NUMB: variants seen among roughly 807,000 people sequenced by gnomAD.
The protein encoded by NUMB is NUMB endocytic adaptor protein, also known as protein numb homolog.
Under a neutral mutation model 59.7 loss-of-function variants are expected in NUMB, and 29 were observed. The observed-to-expected ratio is 0.49, with a 90% confidence interval of 0.36 to 0.66. The LOEUF (loss-of-function observed/expected upper bound fraction) is 0.66, where lower values mean the gene tolerates loss of function less well. NUMB is among the 30% of genes least tolerant of loss of function. The pLI is 0.00. For missense variants in NUMB, 723 were observed against 822.0 expected (o/e 0.88, Z 1.47); for synonymous variants, 288 against 288.2 (o/e 1.00, Z 0.01).
At chr14:73,408,603 C>T (rs774761743) in intron 2 of NUMB, among the ~76,000 whole-genome samples, 6 of 152,002 alleles carry the variant, frequency 3.9e-5, no homozygotes, top group African/African-American at 7.2e-5. Context: ...CCAGGCTGGA[C>T]GCGGTGGCTC....
At chr14:73,339,089 T>C (rs1892499385) in intron 4 of NUMB, among the ~76,000 whole-genome samples, 1 of 152,228 alleles carries the variant, frequency 6.6e-6, no homozygotes, top group Admixed American at 6.5e-5. Flanking sequence ...TGTACTACTT[T>C]AGGTCTTCTA....
In NUMB at chr14:73,398,671, T is replaced by C. The variant is rs554754590; in HGVS notation, c.-101+11266A>G. ...CCAACCTCACAATCAATCACAGAAA[T>C]AGAAATTAAAACAATATACTTCTTT... On this transcript the variant is annotated intron_variant, in intron 2 of 12. Coordinates refer to ENST00000555238, the MANE Select transcript of NUMB (RefSeq NM_001005743.2). Among the ~76,000 whole-genome samples the C allele has an allele frequency of 2.0e-5, 3 of 151,646 alleles. No individual in the cohort carries two copies. The South Asian group carries it at 6.2e-4, about 32-fold the overall frequency.
intron 5 of NUMB, 148 bp from the exon 6 acceptor site, chr14:73,316,570 G>C (rs955773269): frequency 2.4e-5 from 16 of 677,526 alleles, no homozygotes; most frequent in Non-Finnish European, 3.4e-5. Context: ...TCCACACCAG[G>C]AGTGACAGGG....
In NUMB at chr14:73,407,668, T is replaced by C. The variant is rs187555385; in HGVS notation, c.-101+2269A>G. Among the ~76,000 whole-genome samples the C allele has an allele frequency of 2.6e-5, 4 of 152,334 alleles. No homozygotes were observed. In the East Asian group the frequency reaches 5.8e-4, roughly 22 times the overall value. ...ACCGACTCTGTTAAATTAAACTCAT[T>C]ATGATGTAAATCACTTTGGAATGAG... On this transcript the variant is annotated intron_variant, in intron 2 of 12. Transcript: ENST00000555238.
intron 1 of NUMB, among the ~76,000 whole-genome samples, chr14:73,424,445 G>A (rs376224923): frequency 5.9e-5 from 9 of 152,074 alleles, no homozygotes; most frequent in South Asian, 2.1e-4. Flanking sequence ...AAATCTTGCC[G>A]TAACTAAAGT....
chr14:73,287,035 C>T (rs1325403504), intron 9 of NUMB, 75 bp downstream of exon 9: 2 of 1,379,090 alleles, frequency 1.5e-6, no homozygotes, highest in East Asian at 4.6e-5. Flanking sequence ...GAAAATTTAC[C>T]CCTGGTAGCT....
intron 1 of NUMB, among the ~76,000 whole-genome samples, chr14:73,433,634 G>A (rs922275615): frequency 1.3e-5 from 2 of 152,100 alleles, no homozygotes; most frequent in African/African-American, 2.4e-5. Flanking sequence ...AGTACAGAGA[G>A]AAGTGACTTA....
Position 73,284,146 on chromosome 14 carries a change from G to C in NUMB, c.884C>G (p.Ser295Cys). The change falls in exon 10 of 13, where the codon TCC (serine) becomes TGC (cysteine). Residue 295 changes from serine to cysteine, a missense_variant. Around this residue, in one of 2 missense-constraint regions of NUMB, gnomAD observed 317 missense variants for 436.6 expected, o/e 0.73. Coordinates refer to ENST00000555238, the MANE Select transcript of NUMB (RefSeq NM_001005743.2). ...QKMSPFKRQL[S>C]LRINELPSTM... ...GGAAGGCAACTCATTGATGCGTAGG[G>C]ATAGTTGGCGTTTAAAGGGTGACAT... The C allele has an allele frequency of 1.2e-6, 2 of 1,614,198 alleles. No individual in the cohort carries two copies. Among genetic ancestry groups the C allele is most frequent in the Non-Finnish European group, 1.7e-6 (2 of 1,180,028 alleles).
intron 2 of NUMB, among the ~76,000 whole-genome samples, chr14:73,397,631 T>A (rs1384653537): frequency 6.6e-6 from 1 of 152,224 alleles, no homozygotes; most frequent in Non-Finnish European, 1.5e-5. Context: ...ATTTTAGGGA[T>A]TTTCTTAATG....
intron 1 of NUMB, among the ~76,000 whole-genome samples, chr14:73,415,762 C>T (rs968564793): frequency 7.2e-5 from 11 of 152,130 alleles, no homozygotes; most frequent in Admixed American, 2.0e-4. Flanking sequence ...CCACCACGTC[C>T]GGCCTCTTGT....
At chr14:73,323,088 T>G in intron 5 of NUMB, 42 bp downstream of exon 5, 1 of 1,439,814 alleles carries the variant, frequency 6.9e-7, no homozygotes. Flanking sequence ...AAGAAAATAT[T>G]GATAGCATAT....
intron 1 of NUMB, among the ~76,000 whole-genome samples, chr14:73,452,064 C>G (rs1200015782): frequency 2.0e-5 from 3 of 151,508 alleles, no homozygotes; most frequent in Admixed American, 1.3e-4. Flanking sequence ...TCTCTACCCC[C>G]CAAAAAAAAA....
In NUMB at chr14:73,430,803, G is replaced by GGT. The variant is rs1181276301; in HGVS notation, c.-232-20737_-232-20736dup. 2.0e-5 allele frequency among the ~76,000 whole-genome samples: 3 copies of GGT among 152,064 alleles called. No individual in the cohort carries two copies. The East Asian group carries it at 5.8e-4, about 30-fold the overall frequency. On this transcript the variant is annotated intron_variant, in intron 1 of 12. Coordinates refer to ENST00000555238, the MANE Select transcript of NUMB (RefSeq NM_001005743.2). ...AGAAAAAAATACAAAAAATTAGCTG[G>GGT]GTGTGGTGGCGGGCGCCTGTAGTCC...
rs749857685 is a variant in NUMB, at chr14:73,276,617, G to GA, written c.1916dup (p.Ser640LeufsTer3). The GA allele has an allele frequency of 6.2e-7, 1 of 1,613,972 alleles. No individual in the cohort carries two copies. The highest frequency in any genetic ancestry group is 8.5e-7 in the Non-Finnish European group (1 of 1,179,838). ...CAAACGTCTTCTGTAAGTCACTGGA[G>GA]AAAGGGTTGGTAGGGGAGGGATTAG... On this transcript the variant is annotated frameshift_variant, in exon 13 of 13. Transcript: ENST00000555238. LOFTEE classifies it high-confidence loss of function.
chr14:73,283,650 G>A (rs1888788490), intron 10 of NUMB, among the ~76,000 whole-genome samples: 1 of 152,184 alleles, frequency 6.6e-6, no homozygotes, highest in African/African-American at 2.4e-5. Context: ...GAGCCAACCA[G>A]CCAGAAGGAC....
chr14:73,400,570 T>C (rs976480688), intron 2 of NUMB, among the ~76,000 whole-genome samples: 12 of 152,186 alleles, frequency 7.9e-5, no homozygotes, highest in African/African-American at 2.4e-4. Flanking sequence ...GCTAATGAGA[T>C]GACAGTGGCT....
intron 5 of NUMB, among the ~76,000 whole-genome samples, chr14:73,321,627 T>C (rs763590693): frequency 1.3e-4 from 20 of 152,256 alleles, no homozygotes; most frequent in Non-Finnish European, 2.8e-4. Flanking sequence ...TCTGAGACTA[T>C]GTTCAACTGG....
intron 2 of NUMB, among the ~76,000 whole-genome samples, chr14:73,400,135 T>A (rs1214933524): frequency 6.6e-6 from 1 of 152,072 alleles, no homozygotes; most frequent in Non-Finnish European, 1.5e-5. Context: ...ATGAAAGAAC[T>A]TTAAATGCAC....
At chr14:73,432,634 T>C (rs1897881323) in intron 1 of NUMB, among the ~76,000 whole-genome samples, 1 of 152,136 alleles carries the variant, frequency 6.6e-6, no homozygotes, top group Admixed American at 6.6e-5. Context: ...ATATCATGTT[T>C]ATTAACATTC....
Sources: gnomAD v4.1 joint callset for allele counts (sites outside exome capture counted in the v4.1 genomes callset) on GRCh38, gnomAD v4.1.1 for gene constraint, gnomAD v4.1.1 regional missense constraint, MANE v1.5 for transcripts, NCBI Gene and HGNC (gene_info 2026-07-23, HGNC 2026-07-21) for gene names.